Variants in ALG9 observed in about 807,000 individuals in gnomAD.
The protein encoded by ALG9 is ALG9 alpha-1,2-mannosyltransferase.
Under a neutral mutation model 81.8 loss-of-function variants are expected in ALG9, and 55 were observed. The observed-to-expected ratio is 0.67, with a 90% confidence interval of 0.54 to 0.84. ALG9 has a LOEUF of 0.84. Among genes scored for constraint, ALG9 ranks in the 40% least tolerant of loss-of-function variants. The pLI is 0.00. For synonymous variants in ALG9, 278 were observed against 274.3 expected (o/e 1.01, Z -0.13); for missense variants, 629 against 745.0 (o/e 0.84, Z 1.81).
rs981610369 is a variant in ALG9, at chr11:111,783,697, T to C, written c.*2700A>G. The C allele has an allele frequency of 6.6e-6, 1 of 152,170 alleles. No homozygotes were observed. The allele number at this position is 152,170 out of a possible 1,614,324, so 9.4% of individuals were successfully genotyped here. On this transcript the variant is annotated 3_prime_UTR_variant, in exon 15 of 15. Transcript: ENST00000616540. ...GATTTTTTAAAATGTGTTTATAAAA[T>C]ATCACATGAAAACACCTTCACAACA...
chr11:111,807,513 C>G (rs1303755358), intron 14 of ALG9, among the ~76,000 whole-genome samples: 1 of 152,188 alleles, frequency 6.6e-6, no homozygotes, highest in African/African-American at 2.4e-5. Context: ...CCTCTTAACC[C>G]AATACATTTT....
At chr11:111,867,019 C>G (rs371149329) in intron 3 of ALG9, among the ~76,000 whole-genome samples, 8 of 152,242 alleles carry the variant, frequency 5.3e-5, no homozygotes, top group African/African-American at 1.9e-4. Flanking sequence ...CACTTGAATC[C>G]GGGAAACGGA....
intron 3 of ALG9, among the ~76,000 whole-genome samples, chr11:111,867,064 C>T (rs1962728464): frequency 6.6e-6 from 1 of 152,232 alleles, no homozygotes; most frequent in Admixed American, 6.5e-5. Flanking sequence ...CACTGCACTC[C>T]AGCCTGGGCG....
intron 6 of ALG9, among the ~76,000 whole-genome samples, chr11:111,856,284 AAAAAAAAAAAAAG>A: frequency 6.6e-6 from 1 of 150,600 alleles, no homozygotes; most frequent in East Asian, 1.9e-4. Flanking sequence ...CTCAAAAAAA[AAAAAAAAAAAAAG>A]AAAAAAAAAT....
At position 111,785,339 on chromosome 11, in the gene ALG9, A is replaced by T. The variant is rs1946351713; in HGVS notation, c.*1058T>A. 6.6e-6 allele frequency: 1 copy of T among 152,256 alleles called. No individual in the cohort carries two copies. Among genetic ancestry groups the T allele is most frequent in the Non-Finnish European group, 1.5e-5 (1 of 68,052 alleles). 9.4% of individuals were successfully genotyped at this position (152,256 alleles called of 1,614,324 possible). On this transcript the variant is annotated 3_prime_UTR_variant, in exon 15 of 15. Coordinates refer to ENST00000616540, the MANE Select transcript of ALG9 (RefSeq NM_024740.2). The stretch of plus-strand genomic sequence containing the variant: ...TTGTAAACTGAAGTACTGACTGTAA[A>T]GGCTTTTAAAGTAATAGTATACACT...
At position 111,838,323 on chromosome 11, in the gene ALG9, G is replaced by A. The variant is rs1481046325; in HGVS notation, c.1250C>T (p.Ser417Leu). Residue 417 changes from serine (S) to leucine (L), a missense_variant, in exon 11 of 15, where the codon TCG (serine) becomes TTG (leucine). Physicochemically the swap from Ser to Leu is moderately radical, Grantham distance 145. Coordinates refer to ENST00000616540, the MANE Select transcript of ALG9 (RefSeq NM_024740.2). ...GACAGTTCCTAATGCCAGCCAATTC[G>A]ATGTCACAGTATAGTGCTCCAGGCG... ...RYRLEHYTVT[S>L]NWLALGTVFL... The A allele has an allele frequency of 2.5e-6, 4 of 1,613,968 alleles. No homozygotes were observed. The highest frequency in any genetic ancestry group is 1.7e-4 in the Middle Eastern group (1 of 6,060).
Position 111,784,177 on chromosome 11 carries a change from T to C in ALG9, c.*2220A>G, listed in dbSNP as rs1946230715. The C allele has an allele frequency of 1.3e-5, 2 of 152,220 alleles. No individual in the cohort carries two copies. Among genetic ancestry groups the C allele is most frequent in the African/African-American group, 4.8e-5 (2 of 41,454 alleles). 9.4% of individuals were successfully genotyped at this position (152,220 alleles called of 1,614,324 possible). ...TACACTGGAAAATAGTAATCAAGAA[T>C]TGAGAATTAAATGCCAGAGATCTTT... On this transcript the variant is annotated 3_prime_UTR_variant, in exon 15 of 15. Transcript: ENST00000616540.
At chr11:111,871,032 G>A in intron 1 of ALG9, 1 of 1,082,050 alleles carries the variant, frequency 9.2e-7, no homozygotes, top group Non-Finnish European at 1.1e-6. Flanking sequence ...GGAGCTGTGA[G>A]GAACAGCCGT....
chr11:111,779,588 C>A (rs1295943762), downstream of ALG9, among the ~76,000 whole-genome samples: 2 of 151,146 alleles, frequency 1.3e-5, no homozygotes, highest in African/African-American at 2.4e-5. Context: ...TGGACTCAAA[C>A]GATCCTCCCA....
chr11:111,838,272 G>A lies in ALG9; in HGVS notation c.1301C>T (p.Ser434Phe), dbSNP rs1955656516. The change falls in exon 11 of 15, where the codon TCT (serine) becomes TTT (phenylalanine). Residue 434 changes from serine to phenylalanine, a missense_variant. Ser to Phe is a radical substitution (Grantham distance 155, BLOSUM62 -2). This residue lies in a region of ALG9 where 264 missense variants were observed against 302.2 expected (regional missense o/e 0.87). Transcript: ENST00000616540. ...ACCTCTGAACAGTGCCACAGAGCGAGAAAATGACAAGAGCCCAAACAGGAA... is the reference window on the plus strand; with the variant it reads ...ACCTCTGAACAGTGCCACAGAGCGAAAAAATGACAAGAGCCCAAACAGGAA... ...TVFLFGLLSFSRSVALFRGYH... is the reference protein window; with the variant it reads ...TVFLFGLLSFFRSVALFRGYH... 4 of 1,614,018 alleles carry A rather than the reference G, an allele frequency of 2.5e-6. No homozygotes were observed. The highest frequency in any genetic ancestry group is 1.7e-5 in the Admixed American group (1 of 60,008).
At chr11:111,790,968 C>A (rs1177321070) in intron 14 of ALG9, among the ~76,000 whole-genome samples, 2 of 152,136 alleles carry the variant, frequency 1.3e-5, no homozygotes, top group Non-Finnish European at 2.9e-5. Flanking sequence ...TACTATACAC[C>A]ATGTTATTCA....
chr11:111,847,180 G>A (rs1387851838), intron 8 of ALG9, among the ~76,000 whole-genome samples: 1 of 151,428 alleles, frequency 6.6e-6, no homozygotes, highest in Non-Finnish European at 1.5e-5. Context: ...AAGCCACTAA[G>A]TTCAAGAGAA....
chr11:111,771,731 G>A, the ALG9 span, among the ~76,000 whole-genome samples: 2 of 152,200 alleles, frequency 1.3e-5, no homozygotes, highest in African/African-American at 2.4e-5. Context: ...AACTGATTCC[G>A]AGGGCTGTAC....
chr11:111,820,200 A>C (rs1472611647), intron 13 of ALG9, among the ~76,000 whole-genome samples: 1 of 152,212 alleles, frequency 6.6e-6, no homozygotes, highest in Non-Finnish European at 1.5e-5. Flanking sequence ...AAAGGAAATA[A>C]ACAGAAGAAT....
intron 13 of ALG9, among the ~76,000 whole-genome samples, chr11:111,826,062 G>A (rs914886551): frequency 6.0e-4 from 20 of 33,476 alleles, no homozygotes; most frequent in African/African-American, 2.6e-3. Context: ...GCAAAACTCC[G>A]TCTCAATAAT....
intron 14 of ALG9, among the ~76,000 whole-genome samples, chr11:111,802,686 C>A (rs1470763287): frequency 1.3e-5 from 2 of 152,032 alleles, no homozygotes; most frequent in Non-Finnish European, 2.9e-5. Context: ...AAAAAAAACA[C>A]CCCGGTTAAA....
At chr11:111,854,146 G>C (rs1958286876) in intron 6 of ALG9, among the ~76,000 whole-genome samples, 1 of 143,594 alleles carries the variant, frequency 7.0e-6, no homozygotes, top group South Asian at 2.2e-4. Context: ...TGCCCAGGCT[G>C]GAGTGCAGTG....
At chr11:111,770,003 A>G in the ALG9 span, among the ~76,000 whole-genome samples, 1 of 152,030 alleles carries the variant, frequency 6.6e-6, no homozygotes, top group Non-Finnish European at 1.5e-5. Context: ...ACCCCATAAA[A>G]TGGAGCTAAC....
chr11:111,861,165 G>A (rs1204084172), intron 4 of ALG9, among the ~76,000 whole-genome samples: 1 of 152,130 alleles, frequency 6.6e-6, no homozygotes, highest in Non-Finnish European at 1.5e-5. Context: ...GTGAATAAGT[G>A]GTTAAATCAG....
Sources: allele counts gnomAD v4.1 joint callset (sites outside exome capture counted in the v4.1 genomes callset), GRCh38; gene constraint gnomAD v4.1.1; regional missense constraint gnomAD v4.1.1; transcripts MANE v1.5; gene names NCBI Gene and HGNC (gene_info 2026-07-23, HGNC 2026-07-21).